AHCYL1: variants seen among roughly 807,000 people sequenced by gnomAD.
AHCYL1 encodes the protein adenosylhomocysteinase like 1.
AHCYL1 carries 20 observed loss-of-function variants against 79.3 expected under a neutral mutation model. The observed-to-expected ratio is 0.25, with a 90% CI of 0.18 to 0.37. AHCYL1 has a LOEUF of 0.37. AHCYL1 is among the 10% of genes least tolerant of loss of function. The pLI, the probability that AHCYL1 is intolerant of heterozygous loss-of-function variation, is 1.00. For synonymous variants in AHCYL1, 223 were observed against 242.2 expected, an observed-to-expected ratio of 0.92 and a Z score of 0.74; for missense variants, 330 against 673.6, an observed-to-expected ratio of 0.49 and a Z score of 5.65.
chr1:110,017,827 C>A (rs1305223477), intron 10 of AHCYL1, 119 bp from the exon 11 acceptor site: 3 of 1,069,958 alleles, frequency 2.8e-6, no homozygotes, highest in African/African-American at 3.1e-5. Flanking sequence ...GCTTATCACT[C>A]ACCATTCCTG....
At chr1:110,021,109 C>T (rs1032005401) in intron 16 of AHCYL1, among the ~76,000 whole-genome samples, 2 of 152,124 alleles carry the variant, frequency 1.3e-5, no homozygotes, top group Non-Finnish European at 2.9e-5. Context: ...GGTGTGGTGG[C>T]GGGCACCTGT....
Position 110,008,118 on chromosome 1 carries a change from G to T in AHCYL1, c.121-916G>T, listed in dbSNP as rs1470721136. 2.0e-5 allele frequency among the ~76,000 whole-genome samples: 3 copies of T among 149,724 alleles called. No individual in the cohort carries two copies. The Admixed American group carries it at 2.0e-4, about 10-fold the overall frequency. On this transcript the variant is annotated intron_variant, in intron 1 of 16. Coordinates refer to ENST00000369799, the MANE Select transcript of AHCYL1 (RefSeq NM_006621.7). The stretch of plus-strand genomic sequence containing the variant: ...GCTCACTGCAACCACCACCTCCCGG[G>T]TTCAAGCAATTCCCTGCCTCAGGCT...
intron 3 of AHCYL1, among the ~76,000 whole-genome samples, chr1:110,012,090 C>T (rs758303363): frequency 6.6e-6 from 1 of 152,210 alleles, no homozygotes; most frequent in Non-Finnish European, 1.5e-5. Flanking sequence ...GAGACTCACC[C>T]TTCATTTTGA....
chr1:110,000,586 CTT>C (rs141366444), intron 1 of AHCYL1, among the ~76,000 whole-genome samples: 1,752 of 152,264 alleles, frequency 0.012, 35 homozygotes, highest in African/African-American at 0.041. Context: ...GCTTACAAAT[CTT>C]TATCTGGTGT....
rs1650497511 is a variant in AHCYL1 at position 110,004,182 on chromosome 1, C to T, written c.121-4852C>T. 1.5e-5 allele frequency: 15 copies of T among 985,508 alleles called. No individual in the cohort carries two copies. In the South Asian group the frequency reaches 6.6e-4, roughly 43 times the overall value. The allele number at this position is 985,508 out of a possible 1,614,324, so 61.0% of individuals were successfully genotyped here. On this transcript the variant is annotated intron_variant, in intron 1 of 16. Coordinates refer to ENST00000369799, the MANE Select transcript of AHCYL1 (RefSeq NM_006621.7). ...GCTGTGTGTGTGTTATATCCTGTTA[C>T]TGTTGAGACACAGAGGCGGGAGTCG...
chr1:109,998,229 G>C (rs898791282), intron 1 of AHCYL1, among the ~76,000 whole-genome samples: 15 of 152,138 alleles, frequency 9.9e-5, no homozygotes, highest in Non-Finnish European at 7.4e-5. Context: ...TCCTGGGACT[G>C]GGACTGTTTT....
intron 15 of AHCYL1, among the ~76,000 whole-genome samples, chr1:110,019,972 C>G (rs1452126797): frequency 6.6e-6 from 1 of 152,156 alleles, no homozygotes; most frequent in Non-Finnish European, 1.5e-5. Context: ...ATGAGAGAAA[C>G]AAACACAGGT....
chr1:109,997,644 A>G (rs566324065), intron 1 of AHCYL1, among the ~76,000 whole-genome samples: 13 of 152,326 alleles, frequency 8.5e-5, no homozygotes, highest in African/African-American at 3.1e-4. Context: ...ACTTGAAAGA[A>G]TGGCCAAACC....
At chr1:110,000,947 AT>A in intron 1 of AHCYL1, 1 of 985,172 alleles carries the variant, frequency 1.0e-6, no homozygotes, top group Non-Finnish European at 1.2e-6. Flanking sequence ...ACTTAAAGTC[AT>A]ATAAATCTAG....
At chr1:109,999,639 G>T (rs912977245) in intron 1 of AHCYL1, among the ~76,000 whole-genome samples, 1 of 151,044 alleles carries the variant, frequency 6.6e-6, no homozygotes, top group South Asian at 2.1e-4. Context: ...AGCCTTACAA[G>T]AACTTTTGTT....
At chr1:110,014,072 A>AT (rs1186270333) in intron 5 of AHCYL1, among the ~76,000 whole-genome samples, 6 of 152,140 alleles carry the variant, frequency 3.9e-5, no homozygotes, top group African/African-American at 1.2e-4. Context: ...AAGTGCTGGG[A>AT]TTACAGGCGT....
intron 2 of AHCYL1, among the ~76,000 whole-genome samples, chr1:110,010,018 A>C (rs1299149483): frequency 6.6e-6 from 1 of 152,252 alleles, no homozygotes; most frequent in Admixed American, 6.5e-5. Context: ...ATCAACATTA[A>C]GGATTAACAT....
intron 2 of AHCYL1, among the ~76,000 whole-genome samples, chr1:110,010,935 C>T (rs1650984126): frequency 2.0e-5 from 3 of 152,166 alleles, no homozygotes; most frequent in Non-Finnish European, 4.4e-5. Context: ...TCTGGGATTA[C>T]TATAGCTGCA....
In AHCYL1 at chr1:110,018,485, T is replaced by C; in HGVS notation, c.1218+18T>C. ...TCGATGTGGTAAGGCTTCTCTCATT[T>C]GTTGCTAGGCATTTCTCTACTACCT... is the stretch of plus-strand genomic sequence containing the variant. On this transcript the variant is annotated intron_variant, in intron 12 of 16. Transcript: ENST00000369799. 1.2e-6 allele frequency: 2 copies of C among 1,613,992 alleles called. No individual in the cohort carries two copies. Among genetic ancestry groups the C allele is most frequent in the Non-Finnish European group, 1.7e-6 (2 of 1,180,012 alleles).
intron 1 of AHCYL1, among the ~76,000 whole-genome samples, chr1:109,999,122 C>T (rs1650173604): frequency 6.6e-6 from 1 of 151,326 alleles, no homozygotes; most frequent in Admixed American, 6.6e-5. Context: ...TGCCACTTTA[C>T]TTTAGTCTTG....
chr1:109,997,678 G>A (rs1324942006), intron 1 of AHCYL1, among the ~76,000 whole-genome samples: 1 of 152,208 alleles, frequency 6.6e-6, no homozygotes, highest in African/African-American at 2.4e-5. Context: ...AGTGCAGTGT[G>A]TAACGCGTAC....
Position 110,019,031 on chromosome 1 carries a change from GCT to G in AHCYL1, c.1318-13_1318-12del. On this transcript the variant is annotated intron_variant, in intron 13 of 16. Transcript: ENST00000369799. ...AATCTGAGACAGAGCTCATCCCAGG[GCT>G]CTCTCTTACCTTTCCAGGGTCGTCT... 1 of 1,613,064 alleles carries G rather than the reference GCT, an allele frequency of 6.2e-7. No individual in the cohort carries two copies. Among genetic ancestry groups the G allele is most frequent in the Non-Finnish European group, 8.5e-7 (1 of 1,179,110 alleles).
chr1:110,022,412 T>G lies in AHCYL1; in HGVS notation c.*732T>G, dbSNP rs114500431. ...AAAGAAAAGAAAAATTAAGGAGAAT[T>G]TTTGGTGTTAATGCTGAGGAATTGC... On this transcript the variant is annotated 3_prime_UTR_variant, in exon 17 of 17. Transcript: ENST00000369799. 0.011 allele frequency: 1,743 copies of G among 152,322 alleles called. 18 individuals carry two copies. Among genetic ancestry groups the G allele is most frequent in the South Asian group, 0.042 (203 of 4,820 alleles). The allele number at this position is 152,322 out of a possible 1,614,324, so 9.4% of individuals were successfully genotyped here.
At chr1:109,995,598 C>G in intron 1 of AHCYL1, 1 of 929,694 alleles carries the variant, frequency 1.1e-6, no homozygotes, top group Non-Finnish European at 1.3e-6. Context: ...TTGGAAGTTG[C>G]TTTATCAAGA....
Sources: gnomAD v4.1 joint callset for allele counts (sites outside exome capture counted in the v4.1 genomes callset) on GRCh38, gnomAD v4.1.1 for gene constraint, MANE v1.5 for transcripts, NCBI Gene and HGNC (gene_info 2026-07-23, HGNC 2026-07-21) for gene names.